Variants in FAT3 observed in about 807,000 individuals in gnomAD.
FAT3 encodes the protein protocadherin Fat 3.
Under a neutral mutation model 310.2 loss-of-function variants are expected in FAT3, and 95 were observed. That is an observed-to-expected ratio of 0.31 (90% CI 0.26 to 0.36). FAT3 has a LOEUF of 0.36. FAT3 is among the 10% of genes least tolerant of loss of function. The pLI is 1.00. For missense variants in FAT3, 5,408 were observed against 5,715.6 expected (o/e 0.95, Z 1.74); for synonymous variants, 2,314 against 2,192.9 (o/e 1.06, Z -1.54).
chr11:92,367,729 G>C (rs1949065311), intron 2 of FAT3, among the ~76,000 whole-genome samples: 1 of 152,204 alleles, frequency 6.6e-6, no homozygotes, highest in Non-Finnish European at 1.5e-5. Flanking sequence ...GTCTTCTACT[G>C]ATCATTCATC....
In FAT3 at chr11:92,499,297, A is replaced by G. The variant is rs960700212; in HGVS notation, c.3293-25337A>G. On this transcript the variant is annotated intron_variant, in intron 2 of 27. Coordinates refer to ENST00000525166, the MANE Select transcript of FAT3 (RefSeq NM_001367949.2). ...CAGGAAAGGAATTGGGAAAGTCTCT[A>G]TATGGTGTGGGCTGGCCCAATTGTC... Among the ~76,000 whole-genome samples the G allele has an allele frequency of 4.6e-5, 7 of 152,090 alleles. No homozygotes were observed. In the East Asian group the frequency reaches 5.8e-4, roughly 13 times the overall value.
intron 3 of FAT3, among the ~76,000 whole-genome samples, chr11:92,622,292 A>C (rs1270186361): frequency 6.6e-6 from 1 of 151,938 alleles, no homozygotes; most frequent in Non-Finnish European, 1.5e-5. Flanking sequence ...AAAAAAAAAA[A>C]TGGTGGAACA....
At chr11:92,832,305 C>T (rs1350913298) in intron 14 of FAT3, among the ~76,000 whole-genome samples, 1 of 152,120 alleles carries the variant, frequency 6.6e-6, no homozygotes, top group African/African-American at 2.4e-5. Flanking sequence ...CATTGCACTG[C>T]AGCCTGGGCA....
intron 3 of FAT3, among the ~76,000 whole-genome samples, chr11:92,583,096 A>AC (rs1938907790): frequency 1.3e-5 from 2 of 152,066 alleles, no homozygotes; most frequent in African/African-American, 4.8e-5. Flanking sequence ...CAAAAAAAAA[A>AC]ACTACTCATT....
chr11:92,425,838 A>G lies in FAT3; in HGVS notation c.3292+70434A>G, dbSNP rs138451990. ...TTGCTATTGTGAACAGTGCTCCAGT[A>G]AACATATGTGTGCATGTGTCTTTAT... On this transcript the variant is annotated intron_variant, in intron 2 of 27. Coordinates refer to ENST00000525166, the MANE Select transcript of FAT3 (RefSeq NM_001367949.2). Among the ~76,000 whole-genome samples, 989 of 152,312 alleles carry G rather than the reference A, an allele frequency of 6.5e-3. 20 individuals are homozygous for G. Among genetic ancestry groups the G allele is most frequent in the Admixed American group, 0.034 (517 of 15,290 alleles).
At chr11:92,463,196 T>G (rs1241471232) in intron 2 of FAT3, among the ~76,000 whole-genome samples, 1 of 152,220 alleles carries the variant, frequency 6.6e-6, no homozygotes, top group Non-Finnish European at 1.5e-5. Flanking sequence ...TAATGTGTGG[T>G]ATTGACCAAT....
intron 8 of FAT3, 39 bp downstream of exon 8, chr11:92,790,257 C>T: frequency 1.9e-6 from 3 of 1,603,154 alleles, no homozygotes; most frequent in East Asian, 2.2e-5. Context: ...TACAGAACCA[C>T]TGACTGTTCA....
chr11:92,586,267 G>A (rs1258287474), intron 3 of FAT3, among the ~76,000 whole-genome samples: 1 of 151,966 alleles, frequency 6.6e-6, no homozygotes, highest in Non-Finnish European at 1.5e-5. Flanking sequence ...TTATAGCTCT[G>A]CCCAGTGAGA....
chr11:92,859,061 T>G, intron 20 of FAT3, 104 bp from the exon 21 acceptor site: 2 of 1,077,138 alleles, frequency 1.9e-6, no homozygotes, highest in Non-Finnish European at 2.6e-6. Flanking sequence ...TTCTCATGCA[T>G]GGTCTTTAAT....
intron 2 of FAT3, among the ~76,000 whole-genome samples, chr11:92,479,089 C>T (rs1445157680): frequency 1.3e-5 from 2 of 151,228 alleles, no homozygotes; most frequent in East Asian, 1.9e-4. Flanking sequence ...GCAACCTCTG[C>T]CTCCCAGGCT....
chr11:92,432,137 A>T (rs1039516676), intron 2 of FAT3, among the ~76,000 whole-genome samples: 3 of 152,124 alleles, frequency 2.0e-5, no homozygotes, highest in Non-Finnish European at 4.4e-5. Context: ...TGAGCATGGA[A>T]TGTTCTTCCA....
At chr11:92,683,072 T>TTAAAAAAAAAA (rs1209302173) in intron 3 of FAT3, among the ~76,000 whole-genome samples, 7 of 114,848 alleles carry the variant, frequency 6.1e-5, no homozygotes, top group Non-Finnish European at 1.2e-4. Flanking sequence ...AGCAAGACTC[T>TTAAAAAAAAAA]AAAAAAAAAA....
chr11:92,599,416 T>C (rs1417827590), intron 3 of FAT3, among the ~76,000 whole-genome samples: 4 of 152,136 alleles, frequency 2.6e-5, no homozygotes, highest in Non-Finnish European at 5.9e-5. Flanking sequence ...CATGATTCAA[T>C]GACCTCCTAC....
chr11:92,709,618 G>A (rs1421900650), intron 4 of FAT3, among the ~76,000 whole-genome samples: 1 of 152,208 alleles, frequency 6.6e-6, no homozygotes, highest in Non-Finnish European at 1.5e-5. Context: ...TGTTGGCTGA[G>A]TGGAAGTTTA....
In FAT3 at chr11:92,353,127, T is replaced by G. The variant is rs868192962; in HGVS notation, c.1015T>G (p.Tyr339Asp). Residue 339 changes from tyrosine to aspartate, a missense_variant, in exon 2 of 28, where the codon TAT (tyrosine) becomes GAT (aspartate). By Grantham distance (160) the Tyr-to-Asp change is radical. Around this residue, in one of 5 missense-constraint regions of FAT3, gnomAD observed 4,588 missense variants for 4,809.8 expected, o/e 0.95. Transcript: ENST00000525166. ...GCAGATTGACTGGGAGAGCTTTCCC[T>G]ATGGCTACAATCTCACTCTTCAAGC... The part of the protein sequence containing the change: ...RKQIDWESFP[Y>D]GYNLTLQAKD... 6.2e-7 allele frequency: 1 copy of G among 1,613,652 alleles called. No individual in the cohort carries two copies.
At position 92,734,640 on chromosome 11, in the gene FAT3, G is replaced by A. The variant is rs368987472; in HGVS notation, c.3670-27216G>A. On this transcript the variant is annotated intron_variant, in intron 4 of 27. Coordinates refer to ENST00000525166, the MANE Select transcript of FAT3 (RefSeq NM_001367949.2). ...CTCTTATTTGCTTGGAACACTATAAGTACTCAAAAATGAAGAAAAAGAAAA... is the reference window on the plus strand; with the variant it reads ...CTCTTATTTGCTTGGAACACTATAAATACTCAAAAATGAAGAAAAAGAAAA... Among the ~76,000 whole-genome samples the A allele has an allele frequency of 2.0e-4, 31 of 152,148 alleles. No individual in the cohort carries two copies. In the East Asian group the frequency reaches 3.1e-3, roughly 15 times the overall value.
At chr11:92,571,347 G>T (rs1421986421) in intron 3 of FAT3, among the ~76,000 whole-genome samples, 2 of 152,098 alleles carry the variant, frequency 1.3e-5, no homozygotes, top group Admixed American at 1.3e-4. Context: ...AGGGGTGAGG[G>T]AAGGGTGGGC....
chr11:92,744,583 C>T (rs1326323494), intron 4 of FAT3, among the ~76,000 whole-genome samples: 1 of 152,148 alleles, frequency 6.6e-6, no homozygotes, highest in Non-Finnish European at 1.5e-5. Context: ...GTGAGAAGTA[C>T]TTTTCTATTC....
intron 2 of FAT3, among the ~76,000 whole-genome samples, chr11:92,489,363 AT>A (rs998276949): frequency 1.3e-5 from 2 of 152,040 alleles, no homozygotes; most frequent in African/African-American, 4.8e-5. Context: ...ATCATTATGC[AT>A]TTTTTCCATC....
Sources: gnomAD v4.1 joint callset for allele counts (sites outside exome capture counted in the v4.1 genomes callset) on GRCh38, gnomAD v4.1.1 for gene constraint, gnomAD v4.1.1 regional missense constraint, MANE v1.5 for transcripts, NCBI Gene and HGNC (gene_info 2026-07-23, HGNC 2026-07-21) for gene names.